Variants in ALDH1L2 observed in about 807,000 individuals in gnomAD.
ALDH1L2 encodes the protein mitochondrial 10-formyltetrahydrofolate dehydrogenase.
Under a neutral mutation model 111.0 loss-of-function variants are expected in ALDH1L2, and 91 were observed. The ratio of observed to expected loss-of-function variants is 0.82; its 90% CI spans 0.69 to 0.98. The LOEUF is 0.98. Among genes scored for constraint, ALDH1L2 ranks in the 50% least tolerant of loss-of-function variants. The pLI is 0.00. For missense variants in ALDH1L2, 995 were observed against 1,126.8 expected (o/e 0.88, Z 1.67); for synonymous variants, 374 against 392.6 (o/e 0.95, Z 0.56).
intron 19 of ALDH1L2, among the ~76,000 whole-genome samples, chr12:105,032,533 C>T (rs1324462610): frequency 6.6e-6 from 1 of 152,156 alleles, no homozygotes; most frequent in Non-Finnish European, 1.5e-5. Context: ...GCCACCGCGC[C>T]CAGCTGCAAC....
At chr12:105,061,128 G>T in intron 8 of ALDH1L2, 56 bp from the exon 9 acceptor site, 2 of 1,453,610 alleles carry the variant, frequency 1.4e-6, no homozygotes, top group Non-Finnish European at 1.9e-6. Context: ...ATGTGGCAGA[G>T]ACTGGGCTAG....
rs77205233 is a variant in ALDH1L2, at chr12:105,077,741, A to T, written c.49-3736T>A. Among the ~76,000 whole-genome samples, 538 of 143,066 alleles carry T rather than the reference A, an allele frequency of 3.8e-3. 6 individuals are homozygous for T. Among genetic ancestry groups the T allele is most frequent in the African/African-American group, 0.013 (501 of 38,760 alleles). The allele number at this position is 143,066 out of a possible 152,430, so 93.9% of individuals were successfully genotyped here. On this transcript the variant is annotated intron_variant, in intron 1 of 22. Coordinates refer to ENST00000258494, the MANE Select transcript of ALDH1L2 (RefSeq NM_001034173.4). ...GACCCTGACTATGCTCCAAGAATTAAAAAAAAAAAAAAAAAAAGGTACACA... is the reference window on the plus strand; with the variant it reads ...GACCCTGACTATGCTCCAAGAATTATAAAAAAAAAAAAAAAAAGGTACACA...
chr12:105,046,221 ATTTTTTTTTTT>A (rs869078154), intron 15 of ALDH1L2, among the ~76,000 whole-genome samples: 56 of 21,730 alleles, frequency 2.6e-3, no homozygotes, highest in Admixed American at 5.5e-3. Flanking sequence ...ATATATATAT[ATTTTTTTTTTT>A]TTTTTTTTTT....
chr12:105,070,361 A>G (rs1465560860), intron 3 of ALDH1L2, among the ~76,000 whole-genome samples: 3 of 152,150 alleles, frequency 2.0e-5, no homozygotes, highest in Admixed American at 6.5e-5. Context: ...TCACCTAGGT[A>G]AAAAACAGAA....
intron 13 of ALDH1L2, chr12:105,049,663 G>C: frequency 6.1e-6 from 2 of 328,234 alleles, no homozygotes. Context: ...AAAACTAGAG[G>C]CCAAACCTGC....
chr12:105,041,392 G>A (rs1003793147), intron 15 of ALDH1L2, among the ~76,000 whole-genome samples: 15 of 152,172 alleles, frequency 9.9e-5, no homozygotes, highest in African/African-American at 2.2e-4. Context: ...CAATGCCACC[G>A]GAGCGATGCT....
chr12:105,065,429 C>T (rs1343762272), intron 5 of ALDH1L2, 73 bp from the exon 6 acceptor site: 1 of 1,232,684 alleles, frequency 8.1e-7, no homozygotes, highest in African/African-American at 1.5e-5. Context: ...CGCTTCTCGT[C>T]ATCAGAGGCA....
intron 1 of ALDH1L2, among the ~76,000 whole-genome samples, chr12:105,083,500 G>GT (rs1269638481): frequency 2.0e-5 from 3 of 152,164 alleles, no homozygotes; most frequent in African/African-American, 7.2e-5. Flanking sequence ...CTGCCTCCAA[G>GT]TTTTTTACAT....
chr12:105,068,248 T>C (rs766092051), intron 4 of ALDH1L2, among the ~76,000 whole-genome samples: 1 of 152,142 alleles, frequency 6.6e-6, no homozygotes, highest in Non-Finnish European at 1.5e-5. Flanking sequence ...AATATTTTTA[T>C]TTGATGGTAT....
Position 105,071,221 on chromosome 12 carries a change from T to C in ALDH1L2, c.194-417A>G, listed in dbSNP as rs79270260. On this transcript the variant is annotated intron_variant, in intron 2 of 22. Coordinates refer to ENST00000258494, the MANE Select transcript of ALDH1L2 (RefSeq NM_001034173.4). ...CCATGAAACTCTTCCCTCCCTATAC[T>C]GAACACATCGTAGACCAGAACACAT... 7.9e-5 allele frequency among the ~76,000 whole-genome samples: 12 copies of C among 152,334 alleles called. No homozygotes were observed. In the East Asian group the frequency reaches 2.3e-3, roughly 29 times the overall value.
chr12:105,022,292 G>C lies in ALDH1L2; in HGVS notation c.*2132C>G, dbSNP rs1394652491. 6.6e-6 allele frequency: 1 copy of C among 152,218 alleles called. No homozygotes were observed. Among genetic ancestry groups the C allele is most frequent in the African/African-American group, 2.4e-5 (1 of 41,466 alleles). 9.4% of individuals were successfully genotyped at this position (152,218 alleles called of 1,614,324 possible). A position where few individuals can be genotyped will look rare whatever the true frequency, so the allele number is the denominator to read the frequency against. On this transcript the variant is annotated 3_prime_UTR_variant, in exon 23 of 23. Coordinates refer to ENST00000258494, the MANE Select transcript of ALDH1L2 (RefSeq NM_001034173.4). ...CCCAAGCATGGCCTTTGGGAGGTCT[G>C]TGAACCCTTTGAAGATACTTGCAGA...
At chr12:105,077,205 C>T (rs925138122) in intron 1 of ALDH1L2, among the ~76,000 whole-genome samples, 2 of 152,242 alleles carry the variant, frequency 1.3e-5, no homozygotes, top group Admixed American at 1.3e-4. Context: ...TGAGAAAGGG[C>T]ATAAAATGAC....
At chr12:105,038,283 C>A (rs1379003043) in intron 17 of ALDH1L2, 81 bp from the exon 18 acceptor site, 929 of 47,438 alleles carry the variant, frequency 0.02, 7 homozygotes, top group African/African-American at 0.11. Flanking sequence ...CACACAAACA[C>A]ACACACACAC....
chr12:105,044,857 A>G (rs529654265), intron 15 of ALDH1L2, among the ~76,000 whole-genome samples: 5 of 152,130 alleles, frequency 3.3e-5, no homozygotes, highest in African/African-American at 9.7e-5. Context: ...TGTTTTATCT[A>G]TACAATGGAA....
intron 7 of ALDH1L2, 66 bp from the exon 8 acceptor site, chr12:105,061,818 G>GGGA: frequency 6.3e-7 from 1 of 1,592,086 alleles, no homozygotes. Flanking sequence ...TGAGGCTGGT[G>GGGA]GGAGGAGTCC....
rs1874291352 is a variant in ALDH1L2 at position 105,024,098 on chromosome 12, T to A, written c.*326A>T. 1 of 376,550 alleles carries A rather than the reference T, an allele frequency of 2.7e-6. No homozygotes were observed. The highest frequency in any genetic ancestry group is 2.1e-5 in the African/African-American group (1 of 48,624). The allele number at this position is 376,550 out of a possible 1,614,324, so 23.3% of individuals were successfully genotyped here. On this transcript the variant is annotated 3_prime_UTR_variant, in exon 23 of 23. Transcript: ENST00000258494. ...AAGTTTCCAATAAATGCACCTTGTG[T>A]ATTATAACTGCATGGTACTGACATC... is the stretch of plus-strand genomic sequence containing the variant.
At chr12:105,035,996 ATATT>A (rs1325138382) in intron 18 of ALDH1L2, among the ~76,000 whole-genome samples, 1 of 115,418 alleles carries the variant, frequency 8.7e-6, no homozygotes, top group Non-Finnish European at 1.6e-5. Context: ...ATATATACGT[ATATT>A]TATATATGTG....
chr12:105,063,615 G>C (rs1208346220), intron 6 of ALDH1L2, among the ~76,000 whole-genome samples: 1 of 146,530 alleles, frequency 6.8e-6, no homozygotes, highest in Non-Finnish European at 1.5e-5. Flanking sequence ...TGATACAAAG[G>C]TGAATGAGAT....
chr12:105,053,026 A>C (rs1876393874), intron 10 of ALDH1L2, 95 bp from the exon 11 acceptor site: 2 of 1,422,160 alleles, frequency 1.4e-6, no homozygotes, highest in Non-Finnish European at 1.9e-6. Flanking sequence ...ATGCAGAGGG[A>C]GAAGTCAATG....
Sources: gnomAD v4.1 joint callset for allele counts (sites outside exome capture counted in the v4.1 genomes callset) on GRCh38, gnomAD v4.1.1 for gene constraint, MANE v1.5 for transcripts, NCBI Gene and HGNC (gene_info 2026-07-23, HGNC 2026-07-21) for gene names.